CP: variants seen among roughly 807,000 people sequenced by gnomAD.
CP encodes caeruloplasmin.
In CP, 64 loss-of-function variants were observed where a neutral mutation model predicts 122.4. The ratio of observed to expected loss-of-function variants is 0.52; its 90% CI spans 0.43 to 0.64. The LOEUF (loss-of-function observed/expected upper bound fraction) is 0.64. CP is among the 30% of genes least tolerant of loss of function. The pLI is 0.00. For missense variants in CP, 1,167 were observed against 1,284.4 expected, an observed-to-expected ratio of 0.91 and a Z score of 1.40; for synonymous variants, 440 against 436.4, an observed-to-expected ratio of 1.01 and a Z score of -0.10.
In CP at chr3:149,215,244, A is replaced by G. The variant is rs1475070664; in HGVS notation, c.147-2546T>C. Reference sequence around the variant, plus strand: ...ACATCATGTCCTATTTTGATAAACTATAGCAGGCTTTGTCAAAATGATTTT... The same window carrying G: ...ACATCATGTCCTATTTTGATAAACTGTAGCAGGCTTTGTCAAAATGATTTT... On this transcript the variant is annotated intron_variant, in intron 1 of 18. Coordinates refer to ENST00000264613, the MANE Select transcript of CP (RefSeq NM_000096.4). 2.6e-5 allele frequency among the ~76,000 whole-genome samples: 4 copies of G among 152,356 alleles called. No individual in the cohort carries two copies. The South Asian group carries it at 6.2e-4, about 24-fold the overall frequency.
rs36107315 is a variant in CP, at chr3:149,181,703, G to A, written c.2554+302C>T. Among the ~76,000 whole-genome samples, 673 of 152,262 alleles carry A rather than the reference G, an allele frequency of 4.4e-3. 3 individuals are homozygous for A. The highest frequency in any genetic ancestry group is 7.0e-3 in the Non-Finnish European group (479 of 68,030). Reference sequence around the variant, plus strand: ...GGAACATCCAGCCACATATGGTGTGGTAGATGCCATTTGAGCTGTGTTCTA... The same window carrying A: ...GGAACATCCAGCCACATATGGTGTGATAGATGCCATTTGAGCTGTGTTCTA... On this transcript the variant is annotated intron_variant, in intron 14 of 18. Coordinates refer to ENST00000264613, the MANE Select transcript of CP (RefSeq NM_000096.4).
rs147630942 is a variant in CP, at chr3:149,192,683, A to G, written c.1714-4481T>C. Among the ~76,000 whole-genome samples the G allele has an allele frequency of 1.2e-3, 172 of 138,372 alleles. No homozygotes were observed. The East Asian group carries it at 0.013, about 10-fold the overall frequency. 90.8% of individuals were successfully genotyped at this position (138,372 alleles called of 152,430 possible). A position where few individuals can be genotyped will look rare whatever the true frequency, so the allele number is the denominator to read the frequency against. The stretch of plus-strand genomic sequence containing the variant: ...ATGTATGTAGTATACACACACACAC[A>G]TATATATATTATATGGCTTAATATA... On this transcript the variant is annotated intron_variant, in intron 9 of 18. Transcript: ENST00000264613.
chr3:149,203,695 A>G (rs1023507949), intron 6 of CP, among the ~76,000 whole-genome samples: 11 of 152,218 alleles, frequency 7.2e-5, no homozygotes, highest in African/African-American at 2.7e-4. Flanking sequence ...CACCTCATTC[A>G]TCATTTCTTT....
chr3:149,198,588 A>G lies in CP; in HGVS notation c.1502-10T>C. On this transcript the variant is annotated splice_polypyrimidine_tract_variant and intron_variant, in intron 8 of 18. Transcript: ENST00000264613. The stretch of plus-strand genomic sequence containing the variant: ...GCTGAAGGAGGCACACCTGTGAGAA[A>G]GGTCACATTAGAGAGGTGAAGTGTG... 1 of 1,611,488 alleles carries G rather than the reference A, an allele frequency of 6.2e-7. No individual in the cohort carries two copies. The highest frequency in any genetic ancestry group is 1.1e-5 in the South Asian group (1 of 90,856).
intron 7 of CP, among the ~76,000 whole-genome samples, chr3:149,201,455 TTAAC>T (rs1278239256): frequency 1.3e-5 from 2 of 149,040 alleles, no homozygotes; most frequent in African/African-American, 2.6e-5. Context: ...GAACACATCT[TTAAC>T]TAAGTGCAGA....
chr3:149,169,173 A>T (rs911678913), downstream of CP, among the ~76,000 whole-genome samples: 1 of 152,122 alleles, frequency 6.6e-6, no homozygotes, highest in African/African-American at 2.4e-5. Flanking sequence ...CACCAGCAAT[A>T]TGCCTCTCCT....
intron 1 of CP, among the ~76,000 whole-genome samples, chr3:149,218,660 T>G (rs1413198692): frequency 6.6e-6 from 1 of 152,154 alleles, no homozygotes; most frequent in Non-Finnish European, 1.5e-5. Context: ...CAAGGAAAAG[T>G]TTTTACAATA....
intron 10 of CP, among the ~76,000 whole-genome samples, chr3:149,187,661 G>A (rs1726262571): frequency 6.6e-6 from 1 of 152,204 alleles, no homozygotes; most frequent in South Asian, 2.1e-4. Flanking sequence ...ATCTGATCCA[G>A]TAGTTTTCAA....
intron 18 of CP, among the ~76,000 whole-genome samples, chr3:149,174,472 C>G (rs567701793): frequency 6.6e-6 from 1 of 152,234 alleles, no homozygotes; most frequent in Admixed American, 6.5e-5. Flanking sequence ...ATGAGAAAGC[C>G]AATGTGGCTA....
downstream of CP, chr3:149,167,940 A>G: frequency 6.2e-7 from 1 of 1,607,458 alleles, no homozygotes; most frequent in South Asian, 1.1e-5. Context: ...AGAGAATAAA[A>G]TGTGGTGGAG....
chr3:149,199,963 C>A, intron 7 of CP, 99 bp from the exon 8 acceptor site: 1 of 1,218,024 alleles, frequency 8.2e-7, no homozygotes, highest in Admixed American at 1.8e-5. Context: ...GCAAGAACTA[C>A]TAGGAGCAAC....
Position 149,186,666 on chromosome 3 carries a change from C to T in CP, c.1931G>A (p.Trp644Ter), listed in dbSNP as rs1361931808. The T allele has an allele frequency of 8.1e-6, 13 of 1,614,010 alleles. No homozygotes were observed. Among genetic ancestry groups the T allele is most frequent in the Non-Finnish European group, 1.1e-5 (13 of 1,180,022 alleles). Reference sequence around the variant, plus strand: ...CTCATTTCCGGCGCTGAATAAGTACCACACGACCGAATCTCCTTTGCACAT... The same window carrying T: ...CTCATTTCCGGCGCTGAATAAGTACTACACGACCGAATCTCCTTTGCACAT... ...LTMCKGDSVV[W>*]YLFSAGNEAD... The change falls in exon 11 of 19, where the codon TGG becomes TAG. Residue 644 changes from tryptophan (W) to a stop codon, truncating the protein, a stop_gained. Coordinates refer to ENST00000264613, the MANE Select transcript of CP (RefSeq NM_000096.4). LOFTEE classifies it high-confidence loss of function.
At chr3:149,181,869 A>C in intron 14 of CP, 136 bp downstream of exon 14, 4 of 916,530 alleles carry the variant, frequency 4.4e-6, no homozygotes, top group Non-Finnish European at 7.0e-6. Context: ...ACACACAGAC[A>C]CCTCCTTGCA....
In CP at chr3:149,177,701, G is replaced by A. The variant is rs1042896179; in HGVS notation, c.3018+139C>T. ...TTTTCAATCCATGATTGAATCCTGGGTGGGGAATCCACGGATATGAAGCAC... is the reference window on the plus strand; with the variant it reads ...TTTTCAATCCATGATTGAATCCTGGATGGGGAATCCACGGATATGAAGCAC... On this transcript the variant is annotated intron_variant, in intron 17 of 18. Transcript: ENST00000264613. The A allele has an allele frequency of 3.1e-5, 28 of 913,190 alleles. No individual in the cohort carries two copies. In the African/African-American group the frequency reaches 3.8e-4, roughly 12 times the overall value. 56.6% of individuals were successfully genotyped at this position (913,190 alleles called of 1,614,324 possible). A position where few individuals can be genotyped will look rare whatever the true frequency, so the allele number is the denominator to read the frequency against.
intron 6 of CP, among the ~76,000 whole-genome samples, chr3:149,202,686 C>A (rs1173737990): frequency 6.8e-6 from 1 of 146,310 alleles, no homozygotes; most frequent in African/African-American, 2.5e-5. Flanking sequence ...CAGCTCACTG[C>A]AAGCTTTGCC....
chr3:149,173,692 A>C lies in CP; in HGVS notation c.*22T>G. ...AATCATTGGTTTTTCTCTTTTTTCC[A>C]CTTATCACCAATTTATTTCATTCAG... On this transcript the variant is annotated 3_prime_UTR_variant, in exon 19 of 19. Coordinates refer to ENST00000264613, the MANE Select transcript of CP (RefSeq NM_000096.4). The C allele has an allele frequency of 7.0e-7, 1 of 1,431,294 alleles. No individual in the cohort carries two copies. The highest frequency in any genetic ancestry group is 9.7e-7 in the Non-Finnish European group (1 of 1,034,786). 88.7% of individuals were successfully genotyped at this position (1,431,294 alleles called of 1,614,324 possible). A position where few individuals can be genotyped will look rare whatever the true frequency, so the allele number is the denominator to read the frequency against.
rs201521886 is a variant in CP at position 149,221,700 on chromosome 3, C to T, written c.93G>A (p.Thr31=). 258 of 1,613,120 alleles carry T rather than the reference C, an allele frequency of 1.6e-4. 1 individual carries two copies. The Middle Eastern group carries it at 2.8e-3, about 18-fold the overall frequency. ...CATGGTCAGAGGCATAATCCCAAGTCGTTTCAATAATTCCAATGTAATAAT... is the reference window on the plus strand; with the variant it reads ...CATGGTCAGAGGCATAATCCCAAGTTGTTTCAATAATTCCAATGTAATAAT... ...EKHYYIGIIE[T]TWDYASDHGE... Residue 31 remains threonine (T), a synonymous_variant, in exon 1 of 19, where the codon ACG becomes ACA. Coordinates refer to ENST00000264613, the MANE Select transcript of CP (RefSeq NM_000096.4).
chr3:149,206,412 C>G (rs1162990177), intron 5 of CP, 73 bp from the exon 6 acceptor site: 11 of 1,543,484 alleles, frequency 7.1e-6, no homozygotes, highest in Non-Finnish European at 8.1e-6. Context: ...GTAAACACTG[C>G]TCGGGTGATG....
At chr3:149,211,980 A>G (rs1728126890) in intron 2 of CP, among the ~76,000 whole-genome samples, 1 of 152,124 alleles carries the variant, frequency 6.6e-6, no homozygotes, top group African/African-American at 2.4e-5. Context: ...CCATTATTAT[A>G]TGGAAACAAA....
Sources: gnomAD v4.1 joint callset for allele counts (sites outside exome capture counted in the v4.1 genomes callset) on GRCh38, gnomAD v4.1.1 for gene constraint, MANE v1.5 for transcripts, NCBI Gene and HGNC (gene_info 2026-07-23, HGNC 2026-07-21) for gene names.